Variants in VWA5B1 observed in about 807,000 individuals in gnomAD.
The protein encoded by VWA5B1 is von Willebrand factor A domain containing 5B1.
In VWA5B1, 115 loss-of-function variants were observed where a neutral mutation model predicts 118.2. The ratio of observed to expected loss-of-function variants is 0.97; its 90% CI spans 0.84 to 1.14. The LOEUF (loss-of-function observed/expected upper bound fraction) is 1.14. Ranked by LOEUF, VWA5B1 falls within the 50% of genes most tolerant of loss-of-function variation. The probability of loss-of-function intolerance (pLI) is 0.00; values close to 1 mark genes in which losing one functional copy is unlikely to be tolerated. For synonymous variants in VWA5B1, 682 were observed against 658.4 expected (o/e 1.04, Z -0.55); for missense variants, 1,596 against 1,603.8 (o/e 1.00, Z 0.08).
At position 20,355,640 on chromosome 1, in the gene VWA5B1, C is replaced by T. The variant is rs1337433660; in HGVS notation, c.*1377C>T. ...GGAAGCTTAGCTTATCAAACCAACT[C>T]GTGGGGTCCTGCGGGCTCTGGCGCA... On this transcript the variant is annotated 3_prime_UTR_variant, in exon 22 of 22. Coordinates refer to ENST00000289815, the MANE Select transcript of VWA5B1 (RefSeq NM_001039500.3). Among the ~76,000 whole-genome samples the T allele has an allele frequency of 3.3e-5, 5 of 152,238 alleles. No individual in the cohort carries two copies. Among genetic ancestry groups the T allele is most frequent in the South Asian group, 2.1e-4 (1 of 4,834 alleles).
At position 20,309,907 on chromosome 1, in the gene VWA5B1, CTGTGTGTGTGTGTG is replaced by C. The variant is rs59044353; in HGVS notation, c.-26-633_-26-620del. On this transcript the variant is annotated intron_variant, in intron 1 of 21. Transcript: ENST00000289815. ...CACATGGGTCTTGGCGATGGATTGG[CTGTGTGTGTGTGTG>C]TGTGTGTGTGTGTGTGTGTGTGTGT... Among the ~76,000 whole-genome samples the C allele has an allele frequency of 2.4e-3, 204 of 85,486 alleles. No homozygotes were observed. In the South Asian group the frequency reaches 0.062, roughly 26 times the overall value. 56.1% of individuals were successfully genotyped at this position (85,486 alleles called of 152,430 possible).
At chr1:20,308,515 T>A (rs1283167510) in intron 1 of VWA5B1, among the ~76,000 whole-genome samples, 1 of 152,102 alleles carries the variant, frequency 6.6e-6, no homozygotes, top group Non-Finnish European at 1.5e-5. Flanking sequence ...AGGGGGGATG[T>A]GGCTCTGTCA....
chr1:20,350,779 C>G, intron 19 of VWA5B1, 78 bp from the exon 20 acceptor site: 1 of 1,399,104 alleles, frequency 7.1e-7, no homozygotes, highest in Non-Finnish European at 9.9e-7. Context: ...CTCTAGGCCT[C>G]TGTTCCCCCA....
At chr1:20,296,620 T>C (rs1462497521) in intron 1 of VWA5B1, among the ~76,000 whole-genome samples, 2 of 152,260 alleles carry the variant, frequency 1.3e-5, no homozygotes, top group Admixed American at 6.5e-5. Context: ...CATGCCCTGC[T>C]AAACCAATCA....
chr1:20,348,545 G>C (rs1036537461), intron 18 of VWA5B1, among the ~76,000 whole-genome samples, 187 bp downstream of exon 18: 2 of 152,040 alleles, frequency 1.3e-5, no homozygotes, highest in Admixed American at 1.3e-4. Context: ...AGAGAGGCTC[G>C]GTATGGCCGG....
chr1:20,306,157 G>A (rs1210551724), intron 1 of VWA5B1, among the ~76,000 whole-genome samples: 1 of 152,174 alleles, frequency 6.6e-6, no homozygotes, highest in East Asian at 1.9e-4. Flanking sequence ...TGAGGGATCT[G>A]AAGGAAAGGA....
At position 20,330,179 on chromosome 1, in the gene VWA5B1, G is replaced by A. The variant is rs2089504031; in HGVS notation, c.1255-1G>A. The stretch of plus-strand genomic sequence containing the variant: ...ACTGGGGACTGTCTGCTTCTCTGCA[G>A]GACAGCTTGGCCATGGCTTGTGATG... On this transcript the variant is annotated splice_acceptor_variant, in intron 9 of 21. Coordinates refer to ENST00000289815, the MANE Select transcript of VWA5B1 (RefSeq NM_001039500.3). LOFTEE classifies it high-confidence loss of function. 6.4e-7 allele frequency: 1 copy of A among 1,551,764 alleles called. No homozygotes were observed. Among genetic ancestry groups the A allele is most frequent in the Non-Finnish European group, 8.7e-7 (1 of 1,147,010 alleles).
chr1:20,317,737 G>A lies in VWA5B1; in HGVS notation c.709+62G>A, dbSNP rs2089065694. ...CAGGCGAAAAGCCAAAGGCTGCCAG[G>A]GATGGGACGGGGGTGGGAAGGAAAG... On this transcript the variant is annotated intron_variant, in intron 5 of 21. Transcript: ENST00000289815. 33 of 1,493,880 alleles carry A rather than the reference G, an allele frequency of 2.2e-5. 1 individual carries two copies. In the South Asian group the frequency reaches 4.3e-4, roughly 19 times the overall value. The allele number at this position is 1,493,880 out of a possible 1,614,324, so 92.5% of individuals were successfully genotyped here. A position where few individuals can be genotyped will look rare whatever the true frequency, so the allele number is the denominator to read the frequency against.
At chr1:20,321,453 C>T (rs1007952026) in intron 7 of VWA5B1, among the ~76,000 whole-genome samples, 1 of 152,126 alleles carries the variant, frequency 6.6e-6, no homozygotes. Context: ...GGCTTGGTGG[C>T]GCATGCCTGT....
At position 20,343,293 on chromosome 1, in the gene VWA5B1, G is replaced by A. The variant is rs1256978872; in HGVS notation, c.2526G>A (p.Gln842=). 6.5e-7 allele frequency: 1 copy of A among 1,547,650 alleles called. No individual in the cohort carries two copies. ...CTGGACCGGAGCGGGGCGGCGCGCA[G>A]GATGCCGACCTATGGAGCGAGACCT... ...GTPGPERGGA[Q]DADLWSETFH... is the part of the protein sequence containing the mutation. Residue 842 remains glutamine (Q), a synonymous_variant, in exon 16 of 22, where the codon CAG becomes CAA. Transcript: ENST00000289815.
chr1:20,345,496 C>T lies in VWA5B1; in HGVS notation c.2667C>T (p.Ser889=), dbSNP rs1184095751. ...ACCAAGTGAGCGCCTTGCACACCAGCAAGGCCTGCAACATCATTAGCAAAT... is the reference window on the plus strand; with the variant it reads ...ACCAAGTGAGCGCCTTGCACACCAGTAAGGCCTGCAACATCATTAGCAAAT... ...RRYQVSALHT[S]KACNIISKYT... The change falls in exon 17 of 22, where the codon AGC becomes AGT. Residue 889 remains serine, a synonymous_variant. Transcript: ENST00000289815. 10 of 1,551,114 alleles carry T rather than the reference C, an allele frequency of 6.4e-6. No individual in the cohort carries two copies. Among genetic ancestry groups the T allele is most frequent in the South Asian group, 1.2e-5 (1 of 84,068 alleles).
chr1:20,353,234 G>A (rs1254885768), intron 21 of VWA5B1, among the ~76,000 whole-genome samples: 1 of 152,160 alleles, frequency 6.6e-6, no homozygotes, highest in Non-Finnish European at 1.5e-5. Context: ...TCATATTTTG[G>A]ACTTAGTCTA....
intron 10 of VWA5B1, 86 bp downstream of exon 10, chr1:20,330,468 C>A: frequency 6.8e-7 from 1 of 1,471,240 alleles, no homozygotes; most frequent in Non-Finnish European, 9.2e-7. Flanking sequence ...TGGAAAATGC[C>A]AGAGGGAGAG....
At chr1:20,292,148 TTCTC>T (rs920728969) in intron 1 of VWA5B1, among the ~76,000 whole-genome samples, 12 of 151,766 alleles carry the variant, frequency 7.9e-5, no homozygotes, top group Non-Finnish European at 1.2e-4. Flanking sequence ...CTCTCTTTCT[TTCTC>T]TCTCTCTCTT....
rs562282893 is a variant in VWA5B1 at position 20,314,497 on chromosome 1, C to T, written c.468C>T (p.Ser156=). 9.0e-5 allele frequency: 140 copies of T among 1,551,766 alleles called. No individual in the cohort carries two copies. The highest frequency in any genetic ancestry group is 1.5e-4 in the East Asian group (6 of 40,900). ...CCTCGGAGCTCCCAACGCTGCCCAG[C>T]GGGGCTGTGAGGGTCCTTCTGCCTG... ...STSSELPTLP[S]GAVRVLLPAV... The change falls in exon 4 of 22, where the codon AGC becomes AGT. Residue 156 remains serine, a synonymous_variant. Coordinates refer to ENST00000289815, the MANE Select transcript of VWA5B1 (RefSeq NM_001039500.3).
intron 18 of VWA5B1, 76 bp downstream of exon 18, chr1:20,348,434 C>T: frequency 2.1e-6 from 3 of 1,439,200 alleles, no homozygotes; most frequent in Middle Eastern, 1.7e-4. Context: ...CCGCGTCCTC[C>T]TGTCCGAGGC....
At chr1:20,296,014 C>A (rs900218200) in intron 1 of VWA5B1, among the ~76,000 whole-genome samples, 21 of 152,130 alleles carry the variant, frequency 1.4e-4, no homozygotes, top group African/African-American at 5.1e-4. Flanking sequence ...ACGTGTGCAC[C>A]ACCAAGCCTG....
chr1:20,313,147 G>A (rs2088901387), intron 3 of VWA5B1, among the ~76,000 whole-genome samples, 159 bp downstream of exon 3: 1 of 152,184 alleles, frequency 6.6e-6, no homozygotes, highest in Non-Finnish European at 1.5e-5. Context: ...TGCCACCTTG[G>A]GCCAATAATG....
intron 1 of VWA5B1, among the ~76,000 whole-genome samples, chr1:20,302,679 T>G (rs957131002): frequency 6.6e-6 from 1 of 152,114 alleles, no homozygotes; most frequent in Non-Finnish European, 1.5e-5. Flanking sequence ...ATGAGACAGA[T>G]AACGTGAGTG....
Sources: allele counts gnomAD v4.1 joint callset (sites outside exome capture counted in the v4.1 genomes callset), GRCh38; gene constraint gnomAD v4.1.1; transcripts MANE v1.5; gene names NCBI Gene and HGNC (gene_info 2026-07-23, HGNC 2026-07-21).